MPRIP: variants seen among roughly 807,000 people sequenced by gnomAD.
MPRIP encodes the protein myosin phosphatase Rho interacting protein, also known as myosin phosphatase Rho-interacting protein.
MPRIP carries 59 observed loss-of-function variants against 234.9 expected under a neutral mutation model. The ratio of observed to expected loss-of-function variants is 0.25; its 90% CI spans 0.20 to 0.31. The LOEUF is 0.31. MPRIP is among the 10% of genes least tolerant of loss of function. The probability of loss-of-function intolerance (pLI) is 1.00; values close to 1 mark genes in which losing one functional copy is unlikely to be tolerated. For synonymous variants in MPRIP, 1,144 were observed against 1,263.9 expected, an observed-to-expected ratio of 0.91 and a Z score of 2.01; for missense variants, 2,436 against 3,071.0, an observed-to-expected ratio of 0.79 and a Z score of 4.89.
intron 3 of MPRIP, among the ~76,000 whole-genome samples, chr17:17,105,108 T>G: frequency 1.3e-5 from 2 of 152,330 alleles, no homozygotes; most frequent in East Asian, 3.9e-4. Flanking sequence ...AATAGACTTT[T>G]GTTGTTCATC....
intron 5 of MPRIP, among the ~76,000 whole-genome samples, chr17:17,133,063 G>A (rs2090628599): frequency 6.6e-6 from 1 of 152,190 alleles, no homozygotes; most frequent in Non-Finnish European, 1.5e-5. Context: ...CAGGGAACTT[G>A]CTTGCTCTCC....
intron 1 of MPRIP, among the ~76,000 whole-genome samples, chr17:17,046,522 C>G (rs978279880): frequency 7.2e-5 from 11 of 152,108 alleles, no homozygotes; most frequent in African/African-American, 2.7e-4. Flanking sequence ...ATTTCCAGGA[C>G]TGGATATTAT....
intron 18 of MPRIP, 26 bp from the exon 19 acceptor site, chr17:17,173,890 A>G: frequency 7.4e-6 from 12 of 1,613,112 alleles, no homozygotes; most frequent in Non-Finnish European, 9.3e-6. Context: ...AAGCAGGCAG[A>G]GGAGTGAGTG....
rs111750844 is a variant in MPRIP, at chr17:17,142,559, G to A, written c.1251-68G>A. 2,856 of 1,568,686 alleles carry A rather than the reference G, an allele frequency of 1.8e-3. 6 individuals are homozygous for A. The highest frequency in any genetic ancestry group is 9.5e-3 in the South Asian group (808 of 85,402). ...GCCCGGGCCAGGCCGGGCATGGGAG[G>A]AGTCGGCTCACTGCCACCTCACAGC... On this transcript the variant is annotated intron_variant, in intron 7 of 23. Coordinates refer to ENST00000651222, the MANE Select transcript of MPRIP (RefSeq NM_001364716.4).
chr17:17,147,936 C>G (rs1167222163), intron 11 of MPRIP, among the ~76,000 whole-genome samples: 1 of 152,160 alleles, frequency 6.6e-6, no homozygotes, highest in Non-Finnish European at 1.5e-5. Context: ...ATAACCTCTT[C>G]TAAACAGTTT....
At chr17:17,168,108 C>T (rs2046045104) in intron 16 of MPRIP, 193 bp downstream of exon 16, 3 of 393,990 alleles carry the variant, frequency 7.6e-6, no homozygotes, top group East Asian at 7.6e-5. Context: ...CCCCAGTGTC[C>T]TCCACCAGGA....
intron 4 of MPRIP, among the ~76,000 whole-genome samples, chr17:17,127,642 C>A (rs1387200559): frequency 6.6e-6 from 1 of 152,264 alleles, no homozygotes; most frequent in Non-Finnish European, 1.5e-5. Flanking sequence ...CTCCGAGAAT[C>A]CCTGTCTTGC....
At position 17,058,564 on chromosome 17, in the gene MPRIP, TG is replaced by T. The variant is rs541762093; in HGVS notation, c.123+15597del. 9.2e-3 allele frequency among the ~76,000 whole-genome samples: 1,377 copies of T among 149,664 alleles called. 11 individuals carry two copies. Among genetic ancestry groups the T allele is most frequent in the Middle Eastern group, 0.017 (5 of 286 alleles). On this transcript the variant is annotated intron_variant, in intron 1 of 23. Coordinates refer to ENST00000651222, the MANE Select transcript of MPRIP (RefSeq NM_001364716.4). ...GGAGAGCTCCAGGGACTGTGGGGAG[TG>T]GGGACCCAGGGAGGGCTCCAGGTCC...
intron 15 of MPRIP, 34 bp downstream of exon 15, chr17:17,161,390 G>A (rs759387746): frequency 1.7e-5 from 24 of 1,441,318 alleles, no homozygotes; most frequent in Admixed American, 1.0e-4. Flanking sequence ...CCCATGGTGC[G>A]CTCAGGAGCT....
At chr17:17,154,132 C>T (rs1027640162) in intron 12 of MPRIP, among the ~76,000 whole-genome samples, 174 bp from the exon 13 acceptor site, 2 of 152,246 alleles carry the variant, frequency 1.3e-5, no homozygotes, top group African/African-American at 4.8e-5. Context: ...GTCTCCTGCT[C>T]TCCAGCTCCC....
chr17:17,131,707 C>T lies in MPRIP; in HGVS notation c.504+6C>T, dbSNP rs756243969. On this transcript the variant is annotated splice_donor_region_variant and intron_variant, in intron 5 of 23. Coordinates refer to ENST00000651222, the MANE Select transcript of MPRIP (RefSeq NM_001364716.4). Reference sequence around the variant, plus strand: ...TGGAGCCCCCCACACCACAGGTAGGCAGTGGGTTTGCCAGATGGCATCCCC... The same window carrying T: ...TGGAGCCCCCCACACCACAGGTAGGTAGTGGGTTTGCCAGATGGCATCCCC... 1 of 1,613,834 alleles carries T rather than the reference C, an allele frequency of 6.2e-7. No individual in the cohort carries two copies. Among genetic ancestry groups the T allele is most frequent in the South Asian group, 1.1e-5 (1 of 91,082 alleles).
chr17:17,121,144 C>T (rs2090380741), intron 3 of MPRIP, among the ~76,000 whole-genome samples: 1 of 152,200 alleles, frequency 6.6e-6, no homozygotes, highest in Non-Finnish European at 1.5e-5. Flanking sequence ...GACAGGCACA[C>T]ATCCTGAGAA....
intron 3 of MPRIP, among the ~76,000 whole-genome samples, chr17:17,120,273 TG>T (rs1414588660): frequency 6.6e-6 from 1 of 152,142 alleles, no homozygotes; most frequent in Non-Finnish European, 1.5e-5. Context: ...CCCACACTCA[TG>T]GGGTCAACAA....
chr17:17,136,128 G>A, intron 5 of MPRIP, 91 bp from the exon 6 acceptor site: 2 of 1,374,194 alleles, frequency 1.5e-6, no homozygotes, highest in Non-Finnish European at 2.1e-6. Context: ...GCTGGCCCGG[G>A]TGCCCCCTAT....
chr17:17,177,439 G>C lies in MPRIP; in HGVS notation c.7120+27G>C, dbSNP rs11871120. ...TGCGTCCTCGGGTCATGCCCTCTCG[G>C]TTATTGCTGGGGGGCTTATGGGGGT... On this transcript the variant is annotated intron_variant, in intron 22 of 23. Transcript: ENST00000651222. 11,067 of 1,604,942 alleles carry C rather than the reference G, an allele frequency of 6.9e-3. 271 individuals are homozygous for C. The African/African-American group carries it at 0.072, about 10-fold the overall frequency.
At chr17:17,055,493 G>A (rs1373452108) in intron 1 of MPRIP, among the ~76,000 whole-genome samples, 1 of 152,208 alleles carries the variant, frequency 6.6e-6, no homozygotes, top group South Asian at 2.1e-4. Flanking sequence ...TGGCAGGCAG[G>A]TCCTTCCAGC....
At chr17:17,180,460 C>G (rs1247956559) in intron 23 of MPRIP, 1 of 783,054 alleles carries the variant, frequency 1.3e-6, no homozygotes, top group East Asian at 2.4e-5. Context: ...ATGATGCTGC[C>G]TGCTCTTGTT....
chr17:17,143,611 T>C lies in MPRIP; in HGVS notation c.1445T>C (p.Leu482Pro), dbSNP rs1320787741. ...APLPDASASP[L>P]SPHRRAKSLD... The stretch of plus-strand genomic sequence containing the variant: ...CTCCCAGACGCCTCGGCTTCCCCCC[T>C]GTCTCCACACCGAAGAGCCAAGTCA... The change falls in exon 9 of 24, where the codon CTG becomes CCG. Residue 482 changes from leucine (L) to proline (P), a missense_variant. Leu to Pro is a moderately conservative substitution (Grantham distance 98, BLOSUM62 -3). This residue lies in a region of MPRIP where 267 missense variants were observed against 252.7 expected (regional missense o/e 1.06). Coordinates refer to ENST00000651222, the MANE Select transcript of MPRIP (RefSeq NM_001364716.4). The C allele has an allele frequency of 6.2e-7, 1 of 1,605,706 alleles. No individual in the cohort carries two copies. Among genetic ancestry groups the C allele is most frequent in the Non-Finnish European group, 8.5e-7 (1 of 1,176,486 alleles).
intron 7 of MPRIP, among the ~76,000 whole-genome samples, chr17:17,140,126 G>A (rs2090782497): frequency 6.6e-6 from 1 of 152,248 alleles, no homozygotes; most frequent in Admixed American, 6.5e-5. Context: ...GAGGAGGCCA[G>A]TGGGTGGGCA....
Sources: gnomAD v4.1 joint callset for allele counts (sites outside exome capture counted in the v4.1 genomes callset) on GRCh38, gnomAD v4.1.1 for gene constraint, gnomAD v4.1.1 regional missense constraint, MANE v1.5 for transcripts, NCBI Gene and HGNC (gene_info 2026-07-23, HGNC 2026-07-21) for gene names.